PAX3: variants seen among roughly 807,000 people sequenced by gnomAD.
The protein encoded by PAX3 is paired box protein Pax-3.
A neutral mutation model predicts 51.6 loss-of-function variants in PAX3; 14 were observed. The ratio of observed to expected loss-of-function variants is 0.27; its 90% CI spans 0.18 to 0.42. The LOEUF is 0.42. Ranked by LOEUF, PAX3 falls within the 10% of genes least tolerant of loss-of-function variation. The pLI is 1.00. For missense variants in PAX3, 540 were observed against 642.8 expected (o/e 0.84, Z 1.73); for synonymous variants, 280 against 253.4 (o/e 1.11, Z -1.00).
At chr2:222,275,265 T>C (rs934211203) in intron 4 of PAX3, among the ~76,000 whole-genome samples, 16 of 152,172 alleles carry the variant, frequency 1.1e-4, no homozygotes, top group African/African-American at 3.4e-4. Flanking sequence ...ATGTTTGGCT[T>C]CTATTTTAAA....
At chr2:222,204,119 C>G (rs1238204560) in intron 7 of PAX3, among the ~76,000 whole-genome samples, 1 of 151,928 alleles carries the variant, frequency 6.6e-6, no homozygotes, top group Non-Finnish European at 1.5e-5. Flanking sequence ...ACACACAAAA[C>G]ATCATTTGTG....
At chr2:222,265,142 A>G (rs1345928636) in intron 4 of PAX3, 1 of 152,172 alleles carries the variant, frequency 6.6e-6, no homozygotes, top group African/African-American at 2.4e-5. Context: ...AAGAGAGAAT[A>G]TATCTTATTA....
chr2:222,242,646 TTTC>T (rs1693061131), intron 4 of PAX3: 1 of 152,226 alleles, frequency 6.6e-6, no homozygotes, highest in South Asian at 2.1e-4. Context: ...TCACTTCTTC[TTTC>T]TTCTTGATCC....
At chr2:222,208,439 T>C (rs1378718548) in intron 7 of PAX3, among the ~76,000 whole-genome samples, 1 of 152,014 alleles carries the variant, frequency 6.6e-6, no homozygotes, top group East Asian at 1.9e-4. Context: ...CCCTGACACA[T>C]TTGCAGCATG....
At chr2:222,244,990 A>T (rs1388255423) in intron 4 of PAX3, among the ~76,000 whole-genome samples, 1 of 152,096 alleles carries the variant, frequency 6.6e-6, no homozygotes, top group Non-Finnish European at 1.5e-5. Flanking sequence ...TCTAATGAAG[A>T]TACAAAAATT....
chr2:222,200,494 G>A lies in PAX3; in HGVS notation c.*914C>T, dbSNP rs891068434. Reference sequence around the variant, plus strand: ...TGAATTATGGGCTGTGAAAATAAAAGCACCTGCAAAAATATACTTCTGATT... The same window carrying A: ...TGAATTATGGGCTGTGAAAATAAAAACACCTGCAAAAATATACTTCTGATT... On this transcript the variant is annotated 3_prime_UTR_variant, in exon 9 of 9. Transcript: ENST00000392070. 2.2e-5 allele frequency: 5 copies of A among 230,624 alleles called. No individual in the cohort carries two copies. Among genetic ancestry groups the A allele is most frequent in the African/African-American group, 1.1e-4 (5 of 45,136 alleles). The allele number at this position is 230,624 out of a possible 1,614,324, so 14.3% of individuals were successfully genotyped here. A position where few individuals can be genotyped will look rare whatever the true frequency, so the allele number is the denominator to read the frequency against.
In PAX3 at chr2:222,296,975, C is replaced by T. The variant is rs759085579; in HGVS notation, c.321+3G>A. 1.9e-6 allele frequency: 3 copies of T among 1,611,264 alleles called. No homozygotes were observed. Among genetic ancestry groups the T allele is most frequent in the African/African-American group, 1.3e-5 (1 of 74,846 alleles). ...GCCAGGAGGGCAAGGCCCGCCCGCT[C>T]ACCTTGGGCTTGCTGCCGCCGATGG... On this transcript the variant is annotated splice_donor_region_variant and intron_variant, in intron 2 of 8. Transcript: ENST00000392070.
At chr2:222,229,722 C>A (rs192257801) in intron 5 of PAX3, among the ~76,000 whole-genome samples, 2 of 152,346 alleles carry the variant, frequency 1.3e-5, no homozygotes, top group African/African-American at 2.4e-5. Flanking sequence ...TCTAATCAAA[C>A]TAACTATTCT....
At chr2:222,218,693 A>C (rs1453107179) in intron 7 of PAX3, among the ~76,000 whole-genome samples, 1 of 152,228 alleles carries the variant, frequency 6.6e-6, no homozygotes, top group African/African-American at 2.4e-5. Context: ...TCATGCAGAA[A>C]TCACATTCAC....
intron 4 of PAX3, among the ~76,000 whole-genome samples, chr2:222,252,245 A>G (rs1693462246): frequency 6.6e-6 from 1 of 152,218 alleles, no homozygotes; most frequent in Non-Finnish European, 1.5e-5. Flanking sequence ...CAAAAAGCCA[A>G]AAATATTCAC....
chr2:222,236,360 C>G (rs1692797663), intron 4 of PAX3, among the ~76,000 whole-genome samples: 1 of 152,130 alleles, frequency 6.6e-6, no homozygotes, highest in South Asian at 2.1e-4. Flanking sequence ...TCCCAAATAG[C>G]TGGGACTACA....
At chr2:222,257,031 C>G (rs1693672195) in intron 4 of PAX3, among the ~76,000 whole-genome samples, 1 of 152,176 alleles carries the variant, frequency 6.6e-6, no homozygotes, top group Non-Finnish European at 1.5e-5. Context: ...AGAATGGGCA[C>G]ACACAGACAC....
chr2:222,220,604 A>G (rs1458387240), intron 6 of PAX3, among the ~76,000 whole-genome samples: 1 of 152,232 alleles, frequency 6.6e-6, no homozygotes, highest in Admixed American at 6.5e-5. Flanking sequence ...ACTAATGCAG[A>G]AATCATATTA....
chr2:222,206,419 T>A (rs1691512103), intron 7 of PAX3, among the ~76,000 whole-genome samples: 3 of 152,170 alleles, frequency 2.0e-5, no homozygotes, highest in Admixed American at 6.6e-5. Context: ...TTGAGCAGAT[T>A]TCTAAATTGT....
At chr2:222,225,088 G>T (rs1014400669) in intron 5 of PAX3, among the ~76,000 whole-genome samples, 6 of 152,188 alleles carry the variant, frequency 3.9e-5, no homozygotes, top group African/African-American at 1.4e-4. Context: ...TTAAGGAAGT[G>T]GGGGCAGGAG....
chr2:222,280,063 T>C (rs886996851), intron 4 of PAX3, among the ~76,000 whole-genome samples: 6 of 151,928 alleles, frequency 3.9e-5, no homozygotes. Context: ...ATACAAAAAT[T>C]AGCCAGACGA....
At chr2:222,250,391 A>G (rs563778416) in intron 4 of PAX3, among the ~76,000 whole-genome samples, 2 of 150,536 alleles carry the variant, frequency 1.3e-5, no homozygotes, top group Admixed American at 6.6e-5. Flanking sequence ...TTTGTCCCTA[A>G]AAAATGATAC....
At chr2:222,238,676 G>A (rs1340566334) in intron 4 of PAX3, among the ~76,000 whole-genome samples, 3 of 152,114 alleles carry the variant, frequency 2.0e-5, no homozygotes, top group Non-Finnish European at 2.9e-5. Context: ...TACCAAACCC[G>A]ATGGTCTTTT....
chr2:222,202,026 C>T lies in PAX3; in HGVS notation c.1338G>A (p.Gln446=), dbSNP rs1574619364. ...TGCTATAGGTGGGTGGACAGTAGGA[C>T]TGAGATGTTGGCAGACTGTCCAAGC... ...MKSLDSLPTS[Q]SYCPPTYSTT... The change falls in exon 8 of 9, where the codon CAG becomes CAA. Residue 446 remains glutamine, a synonymous_variant. Coordinates refer to ENST00000392070, the MANE Select transcript of PAX3 (RefSeq NM_181458.4). 1 of 1,614,020 alleles carries T rather than the reference C, an allele frequency of 6.2e-7. No homozygotes were observed. The highest frequency in any genetic ancestry group is 8.5e-7 in the Non-Finnish European group (1 of 1,180,008).
Sources: gnomAD v4.1 joint callset for allele counts (sites outside exome capture counted in the v4.1 genomes callset) on GRCh38, gnomAD v4.1.1 for gene constraint, MANE v1.5 for transcripts, NCBI Gene and HGNC (gene_info 2026-07-23, HGNC 2026-07-21) for gene names.